SCHIP1: variants seen among roughly 807,000 people sequenced by gnomAD.
SCHIP1 encodes the protein schwannomin-interacting protein 1.
SCHIP1 carries 8 observed loss-of-function variants against 29.7 expected under a neutral mutation model. The ratio of observed to expected loss-of-function variants is 0.27; its 90% confidence interval spans 0.16 to 0.49. SCHIP1 has a LOEUF of 0.49. SCHIP1 is among the 20% of genes least tolerant of loss of function. SCHIP1 has a pLI of 0.99. For synonymous variants in SCHIP1, 76 were observed against 94.9 expected (o/e 0.80, Z 1.16); for missense variants, 193 against 294.6 (o/e 0.66, Z 2.52).
the SCHIP1 span, among the ~76,000 whole-genome samples, chr3:159,725,272 T>TTTC: frequency 5.5e-5 from 5 of 90,238 alleles, no homozygotes; most frequent in African/African-American, 2.9e-4. Flanking sequence ...TTCTTTTTTC[T>TTTC]TTTTTTTTTT....
chr3:159,727,940 T>G, the SCHIP1 span, among the ~76,000 whole-genome samples: 3,640 of 151,992 alleles, frequency 0.024, 75 homozygotes, highest in African/African-American at 0.051. Context: ...TTTTTTGGTT[T>G]GTTTGTTTGT....
the SCHIP1 span, among the ~76,000 whole-genome samples, chr3:159,484,662 T>A: frequency 6.6e-6 from 1 of 152,280 alleles, no homozygotes. Context: ...ATATCAATCA[T>A]GTTGCAACTT....
At chr3:159,466,693 C>CA in the SCHIP1 span, among the ~76,000 whole-genome samples, 1 of 151,850 alleles carries the variant, frequency 6.6e-6, no homozygotes, top group Admixed American at 6.6e-5. Flanking sequence ...GTCAACACTT[C>CA]AAAAAAATGG....
chr3:159,894,754 C>G (rs1171320621), intron 6 of SCHIP1: 1 of 149,830 alleles, frequency 6.7e-6, no homozygotes, highest in East Asian at 2.0e-4. Flanking sequence ...TTCAGTGAAA[C>G]AAATCCTAAT....
intron 6 of SCHIP1, chr3:159,893,666 G>A (rs1577508242): frequency 6.6e-6 from 1 of 152,232 alleles, no homozygotes; most frequent in East Asian, 1.9e-4. Flanking sequence ...ACTTAGGTTT[G>A]CAGTGTATGT....
the SCHIP1 span, among the ~76,000 whole-genome samples, chr3:159,466,239 T>A: frequency 1.3e-5 from 2 of 152,174 alleles, no homozygotes; most frequent in Admixed American, 6.5e-5. Context: ...CCCAGCTACC[T>A]GGGACTACAG....
chr3:159,575,788 G>C, the SCHIP1 span, among the ~76,000 whole-genome samples: 2 of 152,044 alleles, frequency 1.3e-5, no homozygotes, highest in Non-Finnish European at 2.9e-5. Context: ...AAGTTGATCA[G>C]TAATTCTACA....
At chr3:159,509,598 G>T in the SCHIP1 span, among the ~76,000 whole-genome samples, 13,384 of 152,224 alleles carry the variant, frequency 0.088, 755 homozygotes, top group South Asian at 0.13. Flanking sequence ...TTTTGCAGTG[G>T]CTGGTACTGG....
At chr3:159,423,611 G>C in the SCHIP1 span, among the ~76,000 whole-genome samples, 3 of 152,216 alleles carry the variant, frequency 2.0e-5, no homozygotes, top group African/African-American at 7.2e-5. Context: ...GCCTCTGTAG[G>C]TTCCACCTCT....
chr3:159,344,892 ACT>A, the SCHIP1 span, among the ~76,000 whole-genome samples: 4 of 152,276 alleles, frequency 2.6e-5, no homozygotes, highest in East Asian at 7.7e-4. Flanking sequence ...AGTTATGGGA[ACT>A]CTGTACTGTC....
chr3:159,896,036 C>T lies in SCHIP1; in HGVS notation c.684-687C>T, dbSNP rs1371344917. On this transcript the variant is annotated intron_variant, in intron 6 of 6. Coordinates refer to ENST00000445224, the Ensembl canonical transcript of SCHIP1. Reference sequence around the variant, plus strand: ...TAAATAAGAAGACTCACCCTATCCTCACTGCCAAGACCATGCCCTTAGGAT... The same window carrying T: ...TAAATAAGAAGACTCACCCTATCCTTACTGCCAAGACCATGCCCTTAGGAT... Among the ~76,000 whole-genome samples the T allele has an allele frequency of 7.2e-5, 11 of 152,182 alleles. No homozygotes were observed. The East Asian group carries it at 2.1e-3, about 29-fold the overall frequency.
the SCHIP1 span, among the ~76,000 whole-genome samples, chr3:159,777,460 A>G: frequency 6.6e-6 from 1 of 152,222 alleles, no homozygotes; most frequent in Admixed American, 6.5e-5. Context: ...AAAGGAAAAA[A>G]ACAAGACCCA....
chr3:159,287,278 C>G, the SCHIP1 span, among the ~76,000 whole-genome samples: 2 of 151,624 alleles, frequency 1.3e-5, no homozygotes, highest in African/African-American at 4.8e-5. Context: ...ATTGTTTATA[C>G]TATACTTTTT....
the SCHIP1 span, among the ~76,000 whole-genome samples, chr3:159,401,715 G>C: frequency 6.6e-6 from 1 of 152,206 alleles, no homozygotes; most frequent in African/African-American, 2.4e-5. Flanking sequence ...TTTTAGACAT[G>C]AAGTCCTTGC....
the SCHIP1 span, among the ~76,000 whole-genome samples, chr3:159,371,971 C>A: frequency 5.9e-5 from 9 of 152,194 alleles, no homozygotes; most frequent in African/African-American, 1.7e-4. Flanking sequence ...TAATTTTTTT[C>A]TTTTCCCAAT....
intron 2 of SCHIP1, among the ~76,000 whole-genome samples, chr3:159,883,765 G>C (rs1399178431): frequency 6.6e-6 from 1 of 152,148 alleles, no homozygotes; most frequent in African/African-American, 2.4e-5. Context: ...AGTTTCCTAT[G>C]GGGATAATGT....
At chr3:159,754,947 A>G in the SCHIP1 span, among the ~76,000 whole-genome samples, 2 of 152,206 alleles carry the variant, frequency 1.3e-5, no homozygotes, top group Non-Finnish European at 2.9e-5. Flanking sequence ...TACAAAAGAA[A>G]GAGGCTGGCC....
chr3:159,351,304 G>A, the SCHIP1 span, among the ~76,000 whole-genome samples: 1 of 152,108 alleles, frequency 6.6e-6, no homozygotes, highest in Non-Finnish European at 1.5e-5. Context: ...TGAGGAAGTC[G>A]GTGTTCAGAG....
chr3:159,715,163 C>T, the SCHIP1 span, among the ~76,000 whole-genome samples: 1 of 152,234 alleles, frequency 6.6e-6, no homozygotes, highest in Non-Finnish European at 1.5e-5. Flanking sequence ...CAAACTCCAA[C>T]AGACCTGCAG....
Sources: gnomAD v4.1 joint callset for allele counts (sites outside exome capture counted in the v4.1 genomes callset) on GRCh38, gnomAD v4.1.1 for gene constraint, MANE v1.5 for transcripts, NCBI Gene and HGNC (gene_info 2026-07-23, HGNC 2026-07-21) for gene names.